The following MTUS2 variants were observed in gnomAD, a reference collection of about 807,000 sequenced individuals.
The protein encoded by MTUS2 is microtubule associated scaffold protein 2.
In MTUS2, 40 loss-of-function variants were observed where a neutral mutation model predicts 114.1. That is an observed-to-expected ratio of 0.35 (90% confidence interval 0.27 to 0.46). MTUS2 has a LOEUF of 0.46. MTUS2 is among the 20% of genes least tolerant of loss of function. The pLI is 1.00. For synonymous variants in MTUS2, 688 were observed against 672.0 expected, an observed-to-expected ratio of 1.02 and a Z score of -0.37; for missense variants, 1,679 against 1,705.4, an observed-to-expected ratio of 0.98 and a Z score of 0.27.
At chr13:28,839,455 GTTTA>G (rs774501904) in intron 1 of MTUS2, among the ~76,000 whole-genome samples, 4 of 152,056 alleles carry the variant, frequency 2.6e-5, no homozygotes, top group African/African-American at 9.7e-5. Flanking sequence ...CATTTATATG[GTTTA>G]TTTAAGAATC....
intron 5 of MTUS2, chr13:29,250,701 A>C (rs932600423): frequency 1.3e-5 from 2 of 152,130 alleles, no homozygotes; most frequent in Non-Finnish European, 2.9e-5. Flanking sequence ...ACGACTTCTC[A>C]TTTTGAAAAA....
intron 4 of MTUS2, among the ~76,000 whole-genome samples, chr13:29,093,259 A>G (rs1382471990): frequency 6.6e-6 from 1 of 152,212 alleles, no homozygotes; most frequent in African/African-American, 2.4e-5. Context: ...CCTGGCCAAC[A>G]TGGTGAAACC....
At chr13:29,031,594 C>T (rs1473058029) in intron 3 of MTUS2, among the ~76,000 whole-genome samples, 4 of 151,894 alleles carry the variant, frequency 2.6e-5, no homozygotes, top group African/African-American at 9.7e-5. Flanking sequence ...TAGGAGGAGT[C>T]AGTCTGTTTT....
chr13:28,942,550 C>G (rs1882300228), intron 2 of MTUS2, among the ~76,000 whole-genome samples: 1 of 152,212 alleles, frequency 6.6e-6, no homozygotes, highest in African/African-American at 2.4e-5. Context: ...CAGCTCCAAA[C>G]TGGAAACAAC....
chr13:29,188,390 G>C (rs1313592481), intron 5 of MTUS2, among the ~76,000 whole-genome samples: 1 of 152,134 alleles, frequency 6.6e-6, no homozygotes, highest in African/African-American at 2.4e-5. Flanking sequence ...ATATGAATGA[G>C]CCCGAAATGG....
At chr13:28,877,325 A>T (rs1878007035) in intron 2 of MTUS2, among the ~76,000 whole-genome samples, 1 of 151,672 alleles carries the variant, frequency 6.6e-6, no homozygotes, top group African/African-American at 2.4e-5. Flanking sequence ...CTCAAAAAAA[A>T]AAAAAAAGAA....
rs189261738 is a variant in MTUS2, at chr13:28,877,143, A to C, written c.-243+37293A>C. Among the ~76,000 whole-genome samples the C allele has an allele frequency of 8.1e-3, 1,227 of 150,724 alleles. 21 individuals are homozygous for C. The highest frequency in any genetic ancestry group is 0.038 in the East Asian group (194 of 5,136). On this transcript the variant is annotated intron_variant, in intron 2 of 15. Transcript: ENST00000612955. ...TCTCTACTAAAAATACAAAAAAAAA[A>C]AACAACAAAAAAATACAAAAAAAAA...
intron 4 of MTUS2, among the ~76,000 whole-genome samples, chr13:29,076,098 A>G (rs1357810849): frequency 1.3e-5 from 2 of 152,292 alleles, no homozygotes; most frequent in East Asian, 3.9e-4. Flanking sequence ...ATTTTCTGCT[A>G]TTCATTAACA....
At chr13:28,875,659 T>C (rs1053507783) in intron 2 of MTUS2, among the ~76,000 whole-genome samples, 3 of 152,232 alleles carry the variant, frequency 2.0e-5, no homozygotes, top group Non-Finnish European at 4.4e-5. Flanking sequence ...AATTCTGTAA[T>C]TGATCATTTG....
intron 2 of MTUS2, among the ~76,000 whole-genome samples, chr13:29,023,942 A>G (rs917993652): frequency 6.6e-6 from 1 of 152,170 alleles, no homozygotes; most frequent in African/African-American, 2.4e-5. Context: ...AGATCTCTCC[A>G]TTGTAAAGAT....
intron 4 of MTUS2, among the ~76,000 whole-genome samples, chr13:29,083,698 G>A (rs1274045879): frequency 2.6e-5 from 4 of 152,114 alleles, no homozygotes; most frequent in Non-Finnish European, 5.9e-5. Context: ...AGGAACAATG[G>A]AGGCATGTGA....
chr13:29,375,722 T>C (rs1871669924), intron 8 of MTUS2, among the ~76,000 whole-genome samples: 1 of 148,918 alleles, frequency 6.7e-6, no homozygotes, highest in African/African-American at 2.5e-5. Context: ...GCCATTATTC[T>C]AAGGGGGGTT....
intron 5 of MTUS2, among the ~76,000 whole-genome samples, chr13:29,174,051 CA>C (rs754732034): frequency 6.6e-6 from 1 of 152,088 alleles, no homozygotes; most frequent in Non-Finnish European, 1.5e-5. Flanking sequence ...AGTCTGATTT[CA>C]TTTGATTTTA....
intron 8 of MTUS2, among the ~76,000 whole-genome samples, chr13:29,379,936 A>G (rs1872076464): frequency 6.6e-6 from 1 of 152,228 alleles, no homozygotes; most frequent in South Asian, 2.1e-4. Flanking sequence ...GCCTTTTAGA[A>G]AAATGTAACT....
At chr13:29,318,464 G>A (rs1378584585) in intron 6 of MTUS2, among the ~76,000 whole-genome samples, 1 of 141,470 alleles carries the variant, frequency 7.1e-6, no homozygotes, top group Admixed American at 7.8e-5. Flanking sequence ...GGACTCAGGG[G>A]ACTAATGGAG....
chr13:28,933,763 A>C (rs181534542), intron 2 of MTUS2, among the ~76,000 whole-genome samples: 3 of 152,346 alleles, frequency 2.0e-5, no homozygotes, highest in African/African-American at 7.2e-5. Flanking sequence ...GCTCAGGGTC[A>C]TAAGGTATTT....
At chr13:29,445,584 C>G (rs1378353029) in intron 9 of MTUS2, among the ~76,000 whole-genome samples, 1 of 152,138 alleles carries the variant, frequency 6.6e-6, no homozygotes, top group Non-Finnish European at 1.5e-5. Flanking sequence ...CTCACCAACC[C>G]TGAAGCCCGT....
At chr13:29,138,758 A>G (rs1892092870) in intron 5 of MTUS2, among the ~76,000 whole-genome samples, 1 of 151,882 alleles carries the variant, frequency 6.6e-6, no homozygotes, top group Non-Finnish European at 1.5e-5. Flanking sequence ...TTAAAAAATA[A>G]CTCATCCAAA....
chr13:29,054,031 G>A (rs1294813779), intron 4 of MTUS2, among the ~76,000 whole-genome samples: 1 of 152,176 alleles, frequency 6.6e-6, no homozygotes, highest in Non-Finnish European at 1.5e-5. Flanking sequence ...AGTCCCATGA[G>A]CAATCTATGA....
Sources: gnomAD v4.1 joint callset for allele counts (sites outside exome capture counted in the v4.1 genomes callset) on GRCh38, gnomAD v4.1.1 for gene constraint, MANE v1.5 for transcripts, NCBI Gene and HGNC (gene_info 2026-07-23, HGNC 2026-07-21) for gene names.